TMEM268: variants seen among roughly 807,000 people sequenced by gnomAD.
TMEM268 encodes the protein transmembrane protein 268.
Under a neutral mutation model 39.1 loss-of-function variants are expected in TMEM268, and 24 were observed. That is an observed-to-expected ratio of 0.61 (90% CI 0.44 to 0.86). The LOEUF is 0.86. Ranked by LOEUF, TMEM268 falls within the 40% of genes least tolerant of loss-of-function variation. The pLI is 0.00. For synonymous variants in TMEM268, 176 were observed against 173.5 expected (o/e 1.01, Z -0.12); for missense variants, 409 against 428.6 (o/e 0.95, Z 0.40).
chr9:114,637,109 G>A (rs773621844), intron 7 of TMEM268, 39 bp downstream of exon 7: 2 of 1,352,004 alleles, frequency 1.5e-6, no homozygotes, highest in Admixed American at 1.7e-5. Context: ...CAAAAACCAG[G>A]AGGCCAAGTT....
At chr9:114,609,010 T>TA (rs1337104821), upstream of TMEM268, among the ~76,000 whole-genome samples, 1 of 151,946 alleles carries the variant, frequency 6.6e-6, no homozygotes, top group Admixed American at 6.6e-5. Context: ...TCTGTTAAAA[T>TA]AAAAAAATGC....
rs1827431925 is a variant in TMEM268, at chr9:114,643,169, C to T, written c.885C>T (p.Gly295=). The change falls in exon 9 of 9, where the codon GGC becomes GGT. Residue 295 remains glycine, a synonymous_variant. Transcript: ENST00000288502. ...MARQLLAVFG[G]YYIRLLVTSQ... Reference sequence around the variant, plus strand: ...GCCAGCTGCTGGCAGTGTTTGGCGGCTACTACATCCGGCTTCTAGTGACCT... The same window carrying T: ...GCCAGCTGCTGGCAGTGTTTGGCGGTTACTACATCCGGCTTCTAGTGACCT... 6.2e-7 allele frequency: 1 copy of T among 1,614,192 alleles called. No individual in the cohort carries two copies. Among genetic ancestry groups the T allele is most frequent in the African/African-American group, 1.3e-5 (1 of 75,046 alleles).
At chr9:114,608,200 A>G (rs184772424), upstream of TMEM268, among the ~76,000 whole-genome samples, 1 of 152,346 alleles carries the variant, frequency 6.6e-6, no homozygotes, top group African/African-American at 2.4e-5. Flanking sequence ...ATGCAAACAC[A>G]TGATACCTCG....
At chr9:114,615,357 T>C (rs1233935195) in intron 1 of TMEM268, 1 of 152,216 alleles carries the variant, frequency 6.6e-6, no homozygotes, top group Admixed American at 6.6e-5. Flanking sequence ...GTGGGGAGGG[T>C]ACCCAGATTT....
Position 114,638,546 on chromosome 9 carries a change from C to T in TMEM268, c.669C>T (p.Ser223=), listed in dbSNP as rs145315370. The T allele has an allele frequency of 2.2e-4, 349 of 1,566,060 alleles. 3 individuals are homozygous for T. The Admixed American group carries it at 5.9e-3, about 27-fold the overall frequency. The change falls in exon 8 of 9, where the codon TCC becomes TCT. Residue 223 remains serine (S), a splice_region_variant and synonymous_variant. Transcript: ENST00000288502. ...HVQEMKTSQE[S]LLRSRLSQLC... ...CCCCTTCTCTGTTTCCTTTGCAGTC[C>T]TTGCTGAGAAGCAGATTGAGCCAGT... is the stretch of plus-strand genomic sequence containing the variant.
chr9:114,622,134 G>T, intron 2 of TMEM268: 1 of 985,402 alleles, frequency 1.0e-6, no homozygotes, highest in Non-Finnish European at 1.2e-6. Flanking sequence ...GGGGAGCAGG[G>T]AGAGAGAGGG....
At chr9:114,609,320 C>G (rs978930134), upstream of TMEM268, among the ~76,000 whole-genome samples, 1 of 134,008 alleles carries the variant, frequency 7.5e-6, no homozygotes, top group Non-Finnish European at 1.6e-5. Flanking sequence ...CAAAAACAAA[C>G]AAACAAACAA....
chr9:114,631,291 A>AAAG (rs1846386126), intron 5 of TMEM268, among the ~76,000 whole-genome samples: 1 of 23,290 alleles, frequency 4.3e-5, no homozygotes, highest in African/African-American at 1.0e-4. Flanking sequence ...TCAAAAAAAA[A>AAAG]AAAAAAAAAA....
At chr9:114,631,291 A>AAAAAAAAAAAAAAAAAAAAG (rs1846387055) in intron 5 of TMEM268, among the ~76,000 whole-genome samples, 2 of 23,292 alleles carry the variant, frequency 8.6e-5, no homozygotes, top group African/African-American at 1.0e-4. Context: ...TCAAAAAAAA[A>AAAAAAAAAAAAAAAAAAAAG]AAAAAAAAAA....
At chr9:114,639,938 C>T (rs550291369) in intron 8 of TMEM268, among the ~76,000 whole-genome samples, 101 of 150,590 alleles carry the variant, frequency 6.7e-4, no homozygotes, top group African/African-American at 2.1e-3. Context: ...TATTTAGAGA[C>T]GGGGTTTTAC....
At chr9:114,604,972 C>G in the TMEM268 span, among the ~76,000 whole-genome samples, 1 of 152,212 alleles carries the variant, frequency 6.6e-6, no homozygotes, top group Non-Finnish European at 1.5e-5. Flanking sequence ...CTACCATGCT[C>G]TGCCTTCAGG....
intron 2 of TMEM268, among the ~76,000 whole-genome samples, chr9:114,620,040 C>T (rs1399322786): frequency 6.6e-6 from 1 of 151,842 alleles, no homozygotes; most frequent in Non-Finnish European, 1.5e-5. Context: ...ATGGTGAAAC[C>T]CCATCTCTAT....
chr9:114,615,120 C>T (rs1845653745), intron 1 of TMEM268, among the ~76,000 whole-genome samples: 1 of 152,110 alleles, frequency 6.6e-6, no homozygotes, highest in Non-Finnish European at 1.5e-5. Flanking sequence ...TGGTCTCAAA[C>T]TCCTGACCTC....
rs751424216 is a variant in TMEM268 at position 114,628,076 on chromosome 9, A to G, written c.325-25A>G. The stretch of plus-strand genomic sequence containing the variant: ...TATGCAAGGACTGAAGTTCCTGACC[A>G]TGCTCTCTGTCTGGCATCTTGCAGG... On this transcript the variant is annotated intron_variant, in intron 4 of 8. Transcript: ENST00000288502. The G allele has an allele frequency of 3.1e-6, 5 of 1,610,264 alleles. No individual in the cohort carries two copies. The South Asian group carries it at 5.5e-5, about 18-fold the overall frequency.
intron 8 of TMEM268, among the ~76,000 whole-genome samples, chr9:114,641,279 TC>T (rs1311293155): frequency 2.0e-5 from 3 of 152,236 alleles, no homozygotes; most frequent in Non-Finnish European, 4.4e-5. Flanking sequence ...AAGTGACTGC[TC>T]TGGGTTAGTC....
chr9:114,615,314 A>T (rs1444250633), intron 1 of TMEM268: 1 of 152,206 alleles, frequency 6.6e-6, no homozygotes, highest in Non-Finnish European at 1.5e-5. Flanking sequence ...TGTCCTTTAT[A>T]TGTGTCATCC....
At position 114,642,997 on chromosome 9, in the gene TMEM268, C is replaced by G; in HGVS notation, c.850-137C>G. ...TCTTCTGAGAGTCCTAGGTGCTGAC[C>G]TGGCCTGGTTCTTCCTAGAGAGCAT... On this transcript the variant is annotated intron_variant, in intron 8 of 8. Coordinates refer to ENST00000288502, the MANE Select transcript of TMEM268 (RefSeq NM_153045.4). 3.6e-6 allele frequency: 3 copies of G among 837,138 alleles called. No homozygotes were observed. The South Asian group carries it at 5.1e-5, about 14-fold the overall frequency. 51.9% of individuals were successfully genotyped at this position (837,138 alleles called of 1,614,324 possible).
upstream of TMEM268, among the ~76,000 whole-genome samples, chr9:114,609,850 AAGAAAG>A (rs912522734): frequency 1.9e-4 from 21 of 110,736 alleles, no homozygotes; most frequent in Admixed American, 4.8e-4. Context: ...GAAAGAAAGA[AAGAAAG>A]AGAAAGAGAA....
At chr9:114,607,891 C>G (rs961053973), upstream of TMEM268, among the ~76,000 whole-genome samples, 8 of 151,738 alleles carry the variant, frequency 5.3e-5, no homozygotes, top group Non-Finnish European at 8.8e-5. Flanking sequence ...AGTGAGAGAA[C>G]AGGGGGAGAG....
Sources: gnomAD v4.1 joint callset for allele counts (sites outside exome capture counted in the v4.1 genomes callset) on GRCh38, gnomAD v4.1.1 for gene constraint, MANE v1.5 for transcripts, NCBI Gene and HGNC (gene_info 2026-07-23, HGNC 2026-07-21) for gene names.